GPHN: variants seen among roughly 807,000 people sequenced by gnomAD.
GPHN encodes the protein gephyrin.
Under a neutral mutation model 95.5 loss-of-function variants are expected in GPHN, and 17 were observed. That is an observed-to-expected ratio of 0.18 (90% CI 0.12 to 0.27). The LOEUF is 0.27. GPHN is among the 10% of genes least tolerant of loss of function. The probability of loss-of-function intolerance (pLI) is 1.00; values close to 1 mark genes in which losing one functional copy is unlikely to be tolerated. For synonymous variants in GPHN, 320 were observed against 322.5 expected (o/e 0.99, Z 0.08); for missense variants, 660 against 978.1 (o/e 0.67, Z 4.34).
At chr14:66,585,180 G>A (rs566544223) in intron 1 of GPHN, among the ~76,000 whole-genome samples, 1 of 152,206 alleles carries the variant, frequency 6.6e-6, no homozygotes, top group East Asian at 1.9e-4. Flanking sequence ...TTGTGTAGAG[G>A]TGTTTATAGT....
chr14:66,811,233 AC>A (rs761480239), intron 3 of GPHN, among the ~76,000 whole-genome samples: 28 of 152,166 alleles, frequency 1.8e-4, no homozygotes, highest in Non-Finnish European at 3.1e-4. Context: ...AGAAGCCCAA[AC>A]CTCAGCATCA....
intron 2 of GPHN, among the ~76,000 whole-genome samples, chr14:66,754,693 G>A (rs2058495612): frequency 6.6e-6 from 1 of 151,786 alleles, no homozygotes; most frequent in South Asian, 2.1e-4. Context: ...AGCTCACTTT[G>A]TACTATTGTG....
At chr14:67,068,203 A>C (rs979009043) in intron 11 of GPHN, among the ~76,000 whole-genome samples, 3 of 152,212 alleles carry the variant, frequency 2.0e-5, no homozygotes, top group Admixed American at 1.3e-4. Context: ...ACTGCATCTC[A>C]AATCAATGTA....
intron 2 of GPHN, among the ~76,000 whole-genome samples, chr14:66,713,015 AT>A (rs1194141177): frequency 4.6e-5 from 7 of 151,788 alleles, no homozygotes; most frequent in Admixed American, 3.9e-4. Flanking sequence ...TTTTTTGCTA[AT>A]TTTTTTGAGT....
intron 16 of GPHN, 21 bp downstream of exon 16, chr14:67,113,192 G>C: frequency 1.2e-6 from 2 of 1,601,998 alleles, no homozygotes. Flanking sequence ...TAAAAATGGA[G>C]GGAGTGGGGA....
At chr14:66,945,176 G>A (rs1457386873) in intron 8 of GPHN, among the ~76,000 whole-genome samples, 1 of 152,046 alleles carries the variant, frequency 6.6e-6, no homozygotes, top group African/African-American at 2.4e-5. Flanking sequence ...GGGATTTATT[G>A]TGTGAAAAAA....
the GPHN span, among the ~76,000 whole-genome samples, chr14:67,449,394 G>A: frequency 1.3e-5 from 2 of 152,200 alleles, no homozygotes; most frequent in South Asian, 2.1e-4. Context: ...GTAGGCACTC[G>A]GGAGGGCCTG....
chr14:67,735,212 T>A, the GPHN span: 5 of 1,460,910 alleles, frequency 3.4e-6, no homozygotes, highest in African/African-American at 5.6e-5. Flanking sequence ...ACTCCATCAT[T>A]TCTCGTGGTG....
intron 5 of GPHN, among the ~76,000 whole-genome samples, chr14:66,914,526 A>T (rs1250411971): frequency 6.6e-6 from 1 of 152,032 alleles, no homozygotes; most frequent in African/African-American, 2.4e-5. Flanking sequence ...AGGTAACTAT[A>T]TTTGTCTTTC....
At position 66,581,126 on chromosome 14, in the gene GPHN, C is replaced by T. The variant is rs111805591; in HGVS notation, c.64+72535C>T. ...TTTAACATTTTTTATGATAAAAACCCGCAGCAAGTTAGGTATAGAGGGAAT... is the reference window on the plus strand; with the variant it reads ...TTTAACATTTTTTATGATAAAAACCTGCAGCAAGTTAGGTATAGAGGGAAT... On this transcript the variant is annotated intron_variant, in intron 1 of 22. Transcript: ENST00000478722. 3.7e-3 allele frequency among the ~76,000 whole-genome samples: 553 copies of T among 150,958 alleles called. 12 individuals are homozygous for T. The highest frequency in any genetic ancestry group is 0.013 in the African/African-American group (527 of 41,196).
chr14:67,288,559 A>C, the GPHN span, among the ~76,000 whole-genome samples: 3 of 152,218 alleles, frequency 2.0e-5, no homozygotes, highest in Non-Finnish European at 4.4e-5. Flanking sequence ...AGAGAAGTCT[A>C]GTCCCCATAA....
the GPHN span, among the ~76,000 whole-genome samples, chr14:67,260,479 T>C: frequency 6.6e-6 from 1 of 152,226 alleles, no homozygotes; most frequent in Non-Finnish European, 1.5e-5. Context: ...CCTCGGGGGC[T>C]TGCAATTAAT....
At chr14:66,513,278 G>T (rs1431999742) in intron 1 of GPHN, among the ~76,000 whole-genome samples, 1 of 151,574 alleles carries the variant, frequency 6.6e-6, no homozygotes, top group African/African-American at 2.4e-5. Flanking sequence ...TATCATCACT[G>T]GCCAAGGACT....
the GPHN span, among the ~76,000 whole-genome samples, chr14:67,305,897 C>G: frequency 1.3e-5 from 2 of 152,180 alleles, no homozygotes; most frequent in Non-Finnish European, 2.9e-5. Context: ...AACTACTTAA[C>G]TGGAAAATGA....
the GPHN span, among the ~76,000 whole-genome samples, chr14:67,509,087 C>G: frequency 6.6e-6 from 1 of 152,048 alleles, no homozygotes; most frequent in African/African-American, 2.4e-5. Flanking sequence ...CCCAAACAGA[C>G]CGTTAAGCAA....
chr14:66,702,515 G>C (rs1427320558), intron 2 of GPHN, among the ~76,000 whole-genome samples: 1 of 152,104 alleles, frequency 6.6e-6, no homozygotes, highest in Non-Finnish European at 1.5e-5. Context: ...AATGAATAGG[G>C]CCTGAAGTGA....
chr14:67,522,419 G>C, the GPHN span, among the ~76,000 whole-genome samples: 1 of 152,166 alleles, frequency 6.6e-6, no homozygotes, highest in Non-Finnish European at 1.5e-5. Flanking sequence ...AGTCGTCTGA[G>C]GGGGGACAAA....
chr14:67,625,366 A>G, the GPHN span, among the ~76,000 whole-genome samples: 4 of 152,114 alleles, frequency 2.6e-5, no homozygotes, highest in East Asian at 1.9e-4. Flanking sequence ...AAATACATCT[A>G]TGTTTCAAAG....
At chr14:67,324,897 A>ATTTTTTTTTT in the GPHN span, among the ~76,000 whole-genome samples, 3 of 76,336 alleles carry the variant, frequency 3.9e-5, no homozygotes, top group East Asian at 4.4e-4. Flanking sequence ...CCTTCCTTTC[A>ATTTTTTTTTT]TTTTTTTTTT....
Sources: gnomAD v4.1 joint callset for allele counts (sites outside exome capture counted in the v4.1 genomes callset) on GRCh38, gnomAD v4.1.1 for gene constraint, MANE v1.5 for transcripts, NCBI Gene and HGNC (gene_info 2026-07-23, HGNC 2026-07-21) for gene names.